The following RABGAP1L variants were observed in gnomAD, a reference collection of about 807,000 sequenced individuals.
RABGAP1L encodes the protein RAB GTPase activating protein 1 like.
In RABGAP1L, 63 loss-of-function variants were observed where a neutral mutation model predicts 137.7. That is an observed-to-expected ratio of 0.46 (90% CI 0.37 to 0.56). RABGAP1L has a LOEUF of 0.56. Ranked by LOEUF, RABGAP1L falls within the 20% of genes least tolerant of loss-of-function variation. The pLI, the probability that RABGAP1L is intolerant of heterozygous loss-of-function variation, is 0.00. For missense variants in RABGAP1L, 1,095 were observed against 1,244.0 expected, an observed-to-expected ratio of 0.88 and a Z score of 1.80; for synonymous variants, 431 against 433.7, an observed-to-expected ratio of 0.99 and a Z score of 0.08.
intron 13 of RABGAP1L, among the ~76,000 whole-genome samples, chr1:174,615,339 A>T (rs1056932110): frequency 3.3e-5 from 5 of 151,940 alleles, no homozygotes; most frequent in Non-Finnish European, 7.4e-5. Context: ...CTGGATGTCC[A>T]CTCCAGACCC....
intron 20 of RABGAP1L, chr1:174,964,782 C>T: frequency 7.4e-7 from 1 of 1,352,512 alleles, no homozygotes; most frequent in East Asian, 2.8e-5. Context: ...ATCTTTGTTC[C>T]ATTGAATGTT....
At chr1:174,539,276 C>CT (rs556740668) in intron 13 of RABGAP1L, among the ~76,000 whole-genome samples, 3 of 151,304 alleles carry the variant, frequency 2.0e-5, no homozygotes, top group East Asian at 1.9e-4. Context: ...TTTTTCATTT[C>CT]TTTTTTTTCT....
At chr1:174,615,064 T>G in intron 13 of RABGAP1L, among the ~76,000 whole-genome samples, 1 of 152,262 alleles carries the variant, frequency 6.6e-6, no homozygotes, top group East Asian at 1.9e-4. Flanking sequence ...GTCTGAAGCC[T>G]TCTTCTCTCA....
intron 14 of RABGAP1L, among the ~76,000 whole-genome samples, chr1:174,666,686 T>A (rs1196588638): frequency 1.3e-5 from 2 of 152,118 alleles, no homozygotes; most frequent in Non-Finnish European, 2.9e-5. Flanking sequence ...TAAATGTGCT[T>A]ATCTTATCAA....
rs762542415 is a variant in RABGAP1L, at chr1:174,702,263, T to C, written c.2169+7T>C. On this transcript the variant is annotated splice_region_variant and intron_variant, in intron 17 of 25. Transcript: ENST00000681986. ...TGACTTACTGCTTTGTGAGGTAGAGTGACTCCCATCTTTCACTAAGCCAAA... is the reference window on the plus strand; with the variant it reads ...TGACTTACTGCTTTGTGAGGTAGAGCGACTCCCATCTTTCACTAAGCCAAA... 1.3e-6 allele frequency: 2 copies of C among 1,587,152 alleles called. No individual in the cohort carries two copies. Among genetic ancestry groups the C allele is most frequent in the Admixed American group, 3.6e-5 (2 of 54,856 alleles).
At chr1:174,939,509 T>C (rs1251536090) in intron 19 of RABGAP1L, among the ~76,000 whole-genome samples, 1 of 150,416 alleles carries the variant, frequency 6.6e-6, no homozygotes, top group Admixed American at 6.6e-5. Flanking sequence ...TAAGCTGAGA[T>C]TGCGCCAGCC....
At chr1:174,748,577 A>G (rs1336050944) in intron 17 of RABGAP1L, among the ~76,000 whole-genome samples, 1 of 152,146 alleles carries the variant, frequency 6.6e-6, no homozygotes, top group Non-Finnish European at 1.5e-5. Context: ...GAAACATAAG[A>G]CATTAATCCA....
In RABGAP1L at chr1:174,747,580, A is replaced by G. The variant is rs973585975; in HGVS notation, c.2170-4733A>G. Among the ~76,000 whole-genome samples, 114 of 152,242 alleles carry G rather than the reference A, an allele frequency of 7.5e-4. 1 individual carries two copies. Among genetic ancestry groups the G allele is most frequent in the African/African-American group, 2.4e-3 (101 of 41,548 alleles). On this transcript the variant is annotated intron_variant, in intron 17 of 25. Transcript: ENST00000681986. ...AATGTCTAGAGCTTCATATAAGCAG[A>G]TATAGTAATACCTTATTTTTCTGAA...
At chr1:174,662,102 C>CTTTTTTTTT (rs749496325) in intron 14 of RABGAP1L, among the ~76,000 whole-genome samples, 43 of 90,268 alleles carry the variant, frequency 4.8e-4, no homozygotes, top group African/African-American at 8.1e-4. Context: ...CTTTTCTTTT[C>CTTTTTTTTT]TTTTTTTTTT....
intron 13 of RABGAP1L, among the ~76,000 whole-genome samples, chr1:174,574,317 A>C (rs1216745518): frequency 6.6e-6 from 1 of 152,196 alleles, no homozygotes; most frequent in Non-Finnish European, 1.5e-5. Context: ...ATTAGAAAGC[A>C]TCATCCTTTT....
At chr1:174,524,657 CTTG>C (rs977997554) in intron 13 of RABGAP1L, among the ~76,000 whole-genome samples, 4 of 151,962 alleles carry the variant, frequency 2.6e-5, no homozygotes, top group African/African-American at 9.7e-5. Flanking sequence ...ATATAGTCCC[CTTG>C]TTTATTTTTG....
chr1:174,837,504 G>T (rs2148933775), intron 19 of RABGAP1L, among the ~76,000 whole-genome samples: 1 of 152,304 alleles, frequency 6.6e-6, no homozygotes, highest in South Asian at 2.1e-4. Flanking sequence ...CACACACAGG[G>T]ACAGGTGGAA....
At chr1:174,691,246 T>G (rs1460441391) in intron 15 of RABGAP1L, among the ~76,000 whole-genome samples, 2 of 152,196 alleles carry the variant, frequency 1.3e-5, no homozygotes, top group Non-Finnish European at 2.9e-5. Flanking sequence ...AAATTTAGTT[T>G]TACACTAACT....
chr1:174,297,674 C>T (rs1465195567), intron 10 of RABGAP1L, among the ~76,000 whole-genome samples: 2 of 152,092 alleles, frequency 1.3e-5, no homozygotes, highest in East Asian at 3.9e-4. Flanking sequence ...CCTCAGAGAC[C>T]TATCTAAGGG....
intron 13 of RABGAP1L, among the ~76,000 whole-genome samples, chr1:174,563,945 A>C (rs183152381): frequency 3.9e-5 from 6 of 152,218 alleles, no homozygotes; most frequent in African/African-American, 1.4e-4. Flanking sequence ...CCTCTAAAAA[A>C]AATTATGCCT....
intron 11 of RABGAP1L, among the ~76,000 whole-genome samples, chr1:174,368,301 TAC>T (rs1005506937): frequency 1.3e-5 from 2 of 152,364 alleles, no homozygotes; most frequent in African/African-American, 4.8e-5. Flanking sequence ...CAAGCAGTGA[TAC>T]ACTAAGAATC....
intron 3 of RABGAP1L, among the ~76,000 whole-genome samples, chr1:174,230,841 T>C (rs1355249838): frequency 6.6e-6 from 1 of 152,192 alleles, no homozygotes; most frequent in Non-Finnish European, 1.5e-5. Context: ...TTTTTGAGTT[T>C]TTTTTAATAT....
chr1:174,787,740 G>A (rs1278871098), intron 18 of RABGAP1L, among the ~76,000 whole-genome samples: 1 of 152,160 alleles, frequency 6.6e-6, no homozygotes. Flanking sequence ...CGAAAAGACT[G>A]AAATGTGAAG....
intron 10 of RABGAP1L, among the ~76,000 whole-genome samples, chr1:174,298,337 T>A (rs1033622768): frequency 6.6e-6 from 1 of 152,228 alleles, no homozygotes; most frequent in South Asian, 2.1e-4. Flanking sequence ...ATTGGAATTA[T>A]CTGCTCTCAC....
Sources: allele counts gnomAD v4.1 joint callset (sites outside exome capture counted in the v4.1 genomes callset), GRCh38; gene constraint gnomAD v4.1.1; transcripts MANE v1.5; gene names NCBI Gene and HGNC (gene_info 2026-07-23, HGNC 2026-07-21).